The following CYP7B1 variants were observed in gnomAD, a reference collection of about 807,000 sequenced individuals.
The protein encoded by CYP7B1 is cytochrome P450 family 7 subfamily B member 1.
CYP7B1 carries 29 observed loss-of-function variants against 42.7 expected under a neutral mutation model. The observed-to-expected ratio is 0.68, with a 90% confidence interval of 0.51 to 0.93. The LOEUF (loss-of-function observed/expected upper bound fraction) is 0.93, where lower values mean the gene tolerates loss of function less well. Among genes scored for constraint, CYP7B1 ranks in the 40% least tolerant of loss-of-function variants. The pLI is 0.00. For missense variants in CYP7B1, 655 were observed against 600.5 expected (o/e 1.09, Z -0.95); for synonymous variants, 235 against 218.2 (o/e 1.08, Z -0.68).
intron 1 of CYP7B1, among the ~76,000 whole-genome samples, chr8:64,665,670 G>A (rs1022337789): frequency 1.1e-4 from 14 of 130,540 alleles, no homozygotes; most frequent in African/African-American, 3.4e-4. Context: ...TCTGCCTCCC[G>A]GGTTCAAGAG....
chr8:64,673,870 G>A (rs192917335), intron 1 of CYP7B1, among the ~76,000 whole-genome samples: 3 of 152,172 alleles, frequency 2.0e-5, no homozygotes, highest in Admixed American at 2.0e-4. Context: ...ATAGCCACAG[G>A]TTTAAAGGAT....
At chr8:64,711,002 T>C (rs1430939128) in intron 1 of CYP7B1, among the ~76,000 whole-genome samples, 3 of 152,152 alleles carry the variant, frequency 2.0e-5, no homozygotes, top group African/African-American at 7.2e-5. Context: ...GAATACTTTA[T>C]CTACCATTAT....
Position 64,591,354 on chromosome 8 carries a change from A to T in CYP7B1, c.*5288T>A, listed in dbSNP as rs1460484420. 6.6e-6 allele frequency among the ~76,000 whole-genome samples: 1 copy of T among 152,204 alleles called. No individual in the cohort carries two copies. The highest frequency in any genetic ancestry group is 1.5e-5 in the Non-Finnish European group (1 of 68,016). On this transcript the variant is annotated 3_prime_UTR_variant, in exon 6 of 6. Transcript: ENST00000310193. ...CTGAATTCAATATGTTAATATGAGTATCTAATTATGCAATACAAGTAAACA... is the reference window on the plus strand; with the variant it reads ...CTGAATTCAATATGTTAATATGAGTTTCTAATTATGCAATACAAGTAAACA...
intron 1 of CYP7B1, among the ~76,000 whole-genome samples, chr8:64,627,619 G>A (rs1186789700): frequency 1.2e-4 from 19 of 152,200 alleles, no homozygotes; most frequent in Non-Finnish European, 2.8e-4. Context: ...TCCGCCAGGG[G>A]AAAGGATAGG....
intron 1 of CYP7B1, among the ~76,000 whole-genome samples, chr8:64,697,014 T>C (rs1806838985): frequency 6.6e-6 from 1 of 152,228 alleles, no homozygotes. Flanking sequence ...ACACAAGTTC[T>C]TGTTTTAGTT....
intron 1 of CYP7B1, among the ~76,000 whole-genome samples, chr8:64,730,900 G>A (rs1023930339): frequency 6.6e-5 from 10 of 152,008 alleles, no homozygotes; most frequent in Non-Finnish European, 1.5e-4. Context: ...CATGGAAGCG[G>A]TCCCCTCATG....
downstream of CYP7B1, among the ~76,000 whole-genome samples, chr8:64,590,355 A>G (rs1805017923): frequency 6.6e-6 from 1 of 152,212 alleles, no homozygotes; most frequent in African/African-American, 2.4e-5. Context: ...TTTCATCACC[A>G]CCATTCTGTA....
intron 1 of CYP7B1, among the ~76,000 whole-genome samples, chr8:64,659,386 C>T (rs1050861604): frequency 6.6e-6 from 1 of 152,068 alleles, no homozygotes; most frequent in Non-Finnish European, 1.5e-5. Context: ...CCTATAGCAT[C>T]CTTTAAAATA....
At chr8:64,756,452 T>C (rs1807809662) in intron 1 of CYP7B1, among the ~76,000 whole-genome samples, 1 of 152,218 alleles carries the variant, frequency 6.6e-6, no homozygotes, top group South Asian at 2.1e-4. Context: ...GCTCAGGGTT[T>C]GTTTTGGAAG....
intron 1 of CYP7B1, among the ~76,000 whole-genome samples, chr8:64,763,708 C>G (rs1807925379): frequency 6.6e-6 from 1 of 152,208 alleles, no homozygotes; most frequent in Admixed American, 6.5e-5. Flanking sequence ...ATTCCACTTT[C>G]AGTTTTCCTG....
intron 1 of CYP7B1, among the ~76,000 whole-genome samples, chr8:64,705,217 A>C (rs1416299464): frequency 1.4e-5 from 2 of 145,940 alleles, no homozygotes; most frequent in African/African-American, 5.2e-5. Flanking sequence ...TAATCTGCAT[A>C]ATTCAAAAAG....
intron 1 of CYP7B1, among the ~76,000 whole-genome samples, chr8:64,770,179 T>C (rs1804198082): frequency 6.6e-6 from 1 of 152,106 alleles, no homozygotes; most frequent in African/African-American, 2.4e-5. Context: ...CATGGAGGGA[T>C]ATATAAATCA....
chr8:64,725,949 G>A (rs536447360), intron 1 of CYP7B1, among the ~76,000 whole-genome samples: 21 of 152,262 alleles, frequency 1.4e-4, no homozygotes, highest in African/African-American at 4.8e-5. Context: ...ATCCGCTGTC[G>A]TGTGGCTGCA....
At chr8:64,791,853 C>G (rs1277744093) in intron 1 of CYP7B1, among the ~76,000 whole-genome samples, 1 of 152,112 alleles carries the variant, frequency 6.6e-6, no homozygotes, top group South Asian at 2.1e-4. Context: ...TAAAAGAATT[C>G]TGAGGAGAAT....
chr8:64,617,720 C>A lies in CYP7B1; in HGVS notation c.260-1439G>T, dbSNP rs555392290. ...TGTGTGTGTTGCTCTGTTAGCGGAACAACTTCTCACTTGTTATTTATGGTA... is the reference window on the plus strand; with the variant it reads ...TGTGTGTGTTGCTCTGTTAGCGGAAAAACTTCTCACTTGTTATTTATGGTA... On this transcript the variant is annotated intron_variant, in intron 2 of 5. Coordinates refer to ENST00000310193, the MANE Select transcript of CYP7B1 (RefSeq NM_004820.5). Among the ~76,000 whole-genome samples the A allele has an allele frequency of 3.3e-5, 5 of 151,836 alleles. No individual in the cohort carries two copies. The South Asian group carries it at 8.3e-4, about 25-fold the overall frequency.
At chr8:64,615,416 A>G (rs1184510124) in intron 3 of CYP7B1, among the ~76,000 whole-genome samples, 184 bp from the exon 4 acceptor site, 1 of 117,666 alleles carries the variant, frequency 8.5e-6, no homozygotes, top group African/African-American at 3.1e-5. Flanking sequence ...TGTAATGTGT[A>G]TGGGGGGGGC....
chr8:64,613,850 G>T (rs1417971677), intron 4 of CYP7B1, among the ~76,000 whole-genome samples: 1 of 152,080 alleles, frequency 6.6e-6, no homozygotes, highest in Non-Finnish European at 1.5e-5. Context: ...TAGAACACTT[G>T]GGGCATTTTC....
downstream of CYP7B1, chr8:64,587,645 A>C (rs1804986611): frequency 6.6e-6 from 1 of 152,130 alleles, no homozygotes; most frequent in Non-Finnish European, 1.5e-5. Context: ...AATTCTACTA[A>C]TTTTTCTAAA....
At chr8:64,665,048 A>G (rs1325093605) in intron 1 of CYP7B1, among the ~76,000 whole-genome samples, 3 of 152,306 alleles carry the variant, frequency 2.0e-5, no homozygotes, top group African/African-American at 7.2e-5. Flanking sequence ...TCTATGTGTC[A>G]TATGTGAAAA....
Sources: gnomAD v4.1 joint callset for allele counts (sites outside exome capture counted in the v4.1 genomes callset) on GRCh38, gnomAD v4.1.1 for gene constraint, MANE v1.5 for transcripts, NCBI Gene and HGNC (gene_info 2026-07-23, HGNC 2026-07-21) for gene names.